TAFA5: variants seen among roughly 807,000 people sequenced by gnomAD.
The protein encoded by TAFA5 is TAFA chemokine like family member 5.
Under a neutral mutation model 15.3 loss-of-function variants are expected in TAFA5, and 6 were observed. That is an observed-to-expected ratio of 0.39 (90% confidence interval 0.21 to 0.77). The LOEUF is 0.77. Ranked by LOEUF, TAFA5 falls within the 30% of genes least tolerant of loss-of-function variation. The pLI, the probability that TAFA5 is intolerant of heterozygous loss-of-function variation, is 0.41. For synonymous variants in TAFA5, 103 were observed against 80.7 expected (o/e 1.28, Z -1.48); for missense variants, 161 against 193.1 (o/e 0.83, Z 0.98).
At chr22:48,565,077 G>A (rs887629103) in intron 1 of TAFA5, among the ~76,000 whole-genome samples, 12 of 152,348 alleles carry the variant, frequency 7.9e-5, no homozygotes, top group East Asian at 1.9e-4. Flanking sequence ...CCTCATGGCC[G>A]TGGTGGGGCT....
At chr22:48,670,607 C>T (rs897861061) in intron 2 of TAFA5, among the ~76,000 whole-genome samples, 10 of 152,266 alleles carry the variant, frequency 6.6e-5, no homozygotes, top group Non-Finnish European at 1.3e-4. Context: ...GCAGTAGCCG[C>T]GTGGCCTGGG....
chr22:48,536,110 G>A (rs968983915), intron 1 of TAFA5, among the ~76,000 whole-genome samples: 7 of 152,216 alleles, frequency 4.6e-5, no homozygotes, highest in African/African-American at 9.6e-5. Flanking sequence ...GTTGGTTTTC[G>A]TCTCCTGAAA....
intron 1 of TAFA5, among the ~76,000 whole-genome samples, chr22:48,514,591 C>T (rs924023995): frequency 6.6e-5 from 10 of 152,030 alleles, no homozygotes; most frequent in Non-Finnish European, 7.4e-5. Flanking sequence ...CAGACCCTGC[C>T]CAGGGAGCTT....
rs141501334 is a variant in TAFA5, at chr22:48,739,345, A to G, written c.391-10494A>G. On this transcript the variant is annotated intron_variant, in intron 3 of 3. Transcript: ENST00000402357. ...CTTACAGCTTAGCAACTTGCAGAAA[A>G]TGTTGAGACTGCGGTCTGGTTCTGT... is the stretch of plus-strand genomic sequence containing the variant. 2.4e-3 allele frequency among the ~76,000 whole-genome samples: 369 copies of G among 152,310 alleles called. 1 individual carries two copies. Among genetic ancestry groups the G allele is most frequent in the Middle Eastern group, 0.017 (5 of 294 alleles).
chr22:48,544,731 C>A (rs1201240538), intron 1 of TAFA5: 1 of 471,312 alleles, frequency 2.1e-6, no homozygotes, highest in Non-Finnish European at 4.4e-6. Context: ...TCTCAGTCCC[C>A]ACTCCGGGCT....
rs1921924228 is a variant in TAFA5 at position 48,530,123 on chromosome 22, T to A, written c.112+40419T>A. 6.6e-6 allele frequency among the ~76,000 whole-genome samples: 1 copy of A among 152,086 alleles called. No homozygotes were observed. Among genetic ancestry groups the A allele is most frequent in the Admixed American group, 6.5e-5 (1 of 15,268 alleles). ...CTGGCGTCTGCAGACCCTCCTGTAC[T>A]GATGACCTGTACCACCTGCTCTGTC... is the stretch of plus-strand genomic sequence containing the variant. On this transcript the variant is annotated intron_variant, in intron 1 of 3. Transcript: ENST00000402357. The surrounding 1 kb of genome is among the most constrained non-coding windows in gnomAD (Gnocchi z 6.0).
At chr22:48,582,366 A>C (rs1225283888) in intron 1 of TAFA5, among the ~76,000 whole-genome samples, 1 of 149,398 alleles carries the variant, frequency 6.7e-6, no homozygotes, top group Non-Finnish European at 1.5e-5. Flanking sequence ...TACACCACGT[A>C]CCACACACAA....
chr22:48,523,163 A>G (rs1336870368), intron 1 of TAFA5, among the ~76,000 whole-genome samples: 1 of 152,212 alleles, frequency 6.6e-6, no homozygotes, highest in Non-Finnish European at 1.5e-5. Flanking sequence ...CTCGTGCCAC[A>G]AAACCCTGCT....
intron 3 of TAFA5, among the ~76,000 whole-genome samples, chr22:48,712,149 C>T (rs771289493): frequency 1.3e-5 from 2 of 152,222 alleles, no homozygotes; most frequent in African/African-American, 2.4e-5. Context: ...CTCCACCTCC[C>T]GAGTTCAAGT....
chr22:48,616,165 G>C (rs924698649), intron 1 of TAFA5, among the ~76,000 whole-genome samples: 1 of 152,104 alleles, frequency 6.6e-6, no homozygotes, highest in African/African-American at 2.4e-5. Context: ...GCTCAGGAGT[G>C]GGGTGGGCTC....
chr22:48,600,080 A>G (rs181673402), intron 1 of TAFA5, among the ~76,000 whole-genome samples: 84 of 152,302 alleles, frequency 5.5e-4, no homozygotes, highest in Non-Finnish European at 1.1e-3. Flanking sequence ...ATTCCAGTCA[A>G]AATAAAACAG....
chr22:48,555,118 A>G (rs1922988341), intron 1 of TAFA5, among the ~76,000 whole-genome samples: 1 of 152,106 alleles, frequency 6.6e-6, no homozygotes, highest in African/African-American at 2.4e-5. Context: ...TCCCTGCCCC[A>G]CCCACCACTG....
chr22:48,688,992 G>GA (rs78797172), intron 2 of TAFA5, among the ~76,000 whole-genome samples: 34 of 82,562 alleles, frequency 4.1e-4, no homozygotes, highest in Middle Eastern at 8.3e-3. Context: ...ACTTGTCTCG[G>GA]AAAAAAAAAA....
In TAFA5 at chr22:48,490,745, C is replaced by T. The variant is rs541327267; in HGVS notation, c.112+1041C>T. 1.6e-5 allele frequency among the ~76,000 whole-genome samples: 2 copies of T among 127,298 alleles called. No homozygotes were observed. The highest frequency in any genetic ancestry group is 3.2e-5 in the African/African-American group (1 of 31,140). The allele number at this position is 127,298 out of a possible 152,430, so 83.5% of individuals were successfully genotyped here. The stretch of plus-strand genomic sequence containing the variant: ...ACCTGTCATGGAGAATTGCCATGGG[C>T]GCGGGAGGTGATGGAAAAATATGGA... On this transcript the variant is annotated intron_variant, in intron 1 of 3. Transcript: ENST00000402357. This position sits in a 1 kb window ranked among gnomAD's most constrained non-coding sequence, Gnocchi z 5.8.
At chr22:48,611,401 C>T (rs1052354681) in intron 1 of TAFA5, among the ~76,000 whole-genome samples, 1 of 152,238 alleles carries the variant, frequency 6.6e-6, no homozygotes, top group Non-Finnish European at 1.5e-5. Context: ...ATTCAGCATT[C>T]GTTACCTGCG....
intron 2 of TAFA5, among the ~76,000 whole-genome samples, chr22:48,702,132 T>TGTG (rs58069697): frequency 0.063 from 9,563 of 151,922 alleles, 865 homozygotes; most frequent in African/African-American, 0.2. Flanking sequence ...TGTGTGAGTG[T>TGTG]GTGTGTGTGC....
In TAFA5 at chr22:48,576,354, G is replaced by GC. The variant is rs986927412; in HGVS notation, c.113-70242dup. ...GTGGCGCCTCCAGTCGCGGCGGAGC[G>GC]CGGCGTTGGCGGCGGATGGAGGGCG... is the stretch of plus-strand genomic sequence containing the variant. On this transcript the variant is annotated intron_variant, in intron 1 of 3. Transcript: ENST00000402357. 194 of 1,202,660 alleles carry GC rather than the reference G, an allele frequency of 1.6e-4. 3 individuals are homozygous for GC. The Admixed American group carries it at 5.1e-3, about 31-fold the overall frequency. The allele number at this position is 1,202,660 out of a possible 1,614,324, so 74.5% of individuals were successfully genotyped here.
At chr22:48,720,974 C>T (rs574664038) in intron 3 of TAFA5, among the ~76,000 whole-genome samples, 66 of 152,298 alleles carry the variant, frequency 4.3e-4, no homozygotes, top group African/African-American at 1.5e-3. Context: ...GTCACACCCA[C>T]GTGAAGACCC....
intron 1 of TAFA5, among the ~76,000 whole-genome samples, chr22:48,541,501 A>C (rs562994221): frequency 1.3e-5 from 2 of 152,328 alleles, no homozygotes; most frequent in East Asian, 1.9e-4. Flanking sequence ...GACAACTCAC[A>C]GTTCAGCCTC....
Sources: gnomAD v4.1 joint callset for allele counts (sites outside exome capture counted in the v4.1 genomes callset) on GRCh38, gnomAD v4.1.1 for gene constraint, Gnocchi (gnomAD v3.1) non-coding constraint, MANE v1.5 for transcripts, NCBI Gene and HGNC (gene_info 2026-07-23, HGNC 2026-07-21) for gene names.